The following NRG3 variants were observed in gnomAD, a reference collection of about 807,000 sequenced individuals.
NRG3 encodes neuregulin 3, also known as pro-neuregulin-3, membrane-bound isoform.
A neutral mutation model predicts 66.9 loss-of-function variants in NRG3; 31 were observed. The ratio of observed to expected loss-of-function variants is 0.46; its 90% CI spans 0.35 to 0.63. The LOEUF is 0.63. Ranked by LOEUF, NRG3 falls within the 20% of genes least tolerant of loss-of-function variation. The pLI, the probability that NRG3 is intolerant of heterozygous loss-of-function variation, is 0.00. For synonymous variants in NRG3, 393 were observed against 359.4 expected, an observed-to-expected ratio of 1.09 and a Z score of -1.06; for missense variants, 910 against 878.9, an observed-to-expected ratio of 1.04 and a Z score of -0.45.
chr10:82,236,769 G>GCGCAC lies in NRG3; in HGVS notation c.824-121969_824-121968insGCACC, dbSNP rs1268537156. Among the ~76,000 whole-genome samples, 3 of 133,528 alleles carry GCGCAC rather than the reference G, an allele frequency of 2.2e-5. No homozygotes were observed. The East Asian group carries it at 6.8e-4, about 30-fold the overall frequency. The allele number at this position is 133,528 out of a possible 152,430, so 87.6% of individuals were successfully genotyped here. A position where few individuals can be genotyped will look rare whatever the true frequency, so the allele number is the denominator to read the frequency against. ...CTCGCTCTGTTGCCCAGGCTGGAGTGCAGTGGTGCGATCTCCGCCTACTGC... is the reference window on the plus strand; with the variant it reads ...CTCGCTCTGTTGCCCAGGCTGGAGTGCGCACCAGTGGTGCGATCTCCGCCTACTGC... On this transcript the variant is annotated intron_variant, in intron 1 of 8. Transcript: ENST00000372141.
chr10:82,695,036 A>C (rs1161827090), intron 2 of NRG3, among the ~76,000 whole-genome samples: 2 of 152,164 alleles, frequency 1.3e-5, no homozygotes, highest in Admixed American at 1.3e-4. Flanking sequence ...ATAATTTTAT[A>C]AAATAGAATA....
intron 2 of NRG3, among the ~76,000 whole-genome samples, chr10:82,414,838 G>A (rs1276516645): frequency 6.6e-6 from 1 of 152,134 alleles, no homozygotes; most frequent in African/African-American, 2.4e-5. Context: ...AGACCAGCAG[G>A]CTGAAAACAG....
At chr10:82,732,428 A>G (rs1300872549) in intron 2 of NRG3, among the ~76,000 whole-genome samples, 1 of 152,188 alleles carries the variant, frequency 6.6e-6, no homozygotes, top group Non-Finnish European at 1.5e-5. Context: ...ATGGCAATTT[A>G]TGTCTCCACT....
chr10:82,692,711 G>T (rs534867448), intron 2 of NRG3, among the ~76,000 whole-genome samples: 2 of 152,318 alleles, frequency 1.3e-5, no homozygotes, highest in South Asian at 2.1e-4. Flanking sequence ...GCCCAGGCAA[G>T]CCCCCTGTGC....
intron 2 of NRG3, among the ~76,000 whole-genome samples, chr10:82,367,508 T>C (rs1222570216): frequency 1.3e-5 from 2 of 152,114 alleles, no homozygotes; most frequent in East Asian, 3.8e-4. Context: ...TAATGATGTC[T>C]TTAAAATATT....
intron 1 of NRG3, among the ~76,000 whole-genome samples, chr10:82,244,198 A>G (rs1037323369): frequency 2.0e-5 from 3 of 152,162 alleles, no homozygotes; most frequent in African/African-American, 4.8e-5. Context: ...TGACAATAGC[A>G]TTCGTGCTGT....
intron 2 of NRG3, among the ~76,000 whole-genome samples, chr10:82,362,504 G>T (rs1289991066): frequency 6.8e-6 from 1 of 147,746 alleles, no homozygotes; most frequent in Non-Finnish European, 1.5e-5. Context: ...CTTCTGAGTA[G>T]CTGGGACTAC....
chr10:81,899,269 T>C (rs1381422327), intron 1 of NRG3, among the ~76,000 whole-genome samples: 1 of 152,208 alleles, frequency 6.6e-6, no homozygotes, highest in Non-Finnish European at 1.5e-5. Flanking sequence ...TCTTTAGTAT[T>C]TTTGCACTAT....
intron 3 of NRG3, among the ~76,000 whole-genome samples, chr10:82,797,256 A>G (rs962769877): frequency 1.3e-5 from 2 of 152,144 alleles, no homozygotes; most frequent in Non-Finnish European, 2.9e-5. Flanking sequence ...TAGAAATGGG[A>G]CGTTTCCTAT....
chr10:82,144,549 C>T (rs1345343634), intron 1 of NRG3, among the ~76,000 whole-genome samples: 2 of 152,152 alleles, frequency 1.3e-5, no homozygotes, highest in Admixed American at 6.6e-5. Context: ...AGAGAGTAGT[C>T]TCATGGGCTA....
intron 2 of NRG3, among the ~76,000 whole-genome samples, chr10:82,609,669 A>C (rs553240812): frequency 1.3e-5 from 2 of 152,266 alleles, no homozygotes; most frequent in South Asian, 2.1e-4. Flanking sequence ...CAATCTGGTA[A>C]TAGAATTTTC....
At chr10:82,496,150 A>C (rs946093198) in intron 2 of NRG3, among the ~76,000 whole-genome samples, 16 of 152,312 alleles carry the variant, frequency 1.1e-4, no homozygotes, top group African/African-American at 3.8e-4. Flanking sequence ...AAAGAAAAGA[A>C]GAAAATGTTA....
intron 4 of NRG3, among the ~76,000 whole-genome samples, chr10:82,871,059 C>T (rs1215209254): frequency 6.6e-6 from 1 of 152,084 alleles, no homozygotes; most frequent in Non-Finnish European, 1.5e-5. Flanking sequence ...TTGCATTTTG[C>T]ATTTAGGTCT....
At chr10:82,651,759 T>C (rs1212192154) in intron 2 of NRG3, among the ~76,000 whole-genome samples, 1 of 152,186 alleles carries the variant, frequency 6.6e-6, no homozygotes, top group African/African-American at 2.4e-5. Context: ...TTGGAGGCCA[T>C]GGATGCTGGC....
chr10:82,215,556 T>A (rs2075621122), intron 1 of NRG3, among the ~76,000 whole-genome samples: 1 of 152,172 alleles, frequency 6.6e-6, no homozygotes, highest in Non-Finnish European at 1.5e-5. Context: ...TGCAGAATCA[T>A]CTTCTGTTAC....
At chr10:82,218,972 A>G (rs897118189) in intron 1 of NRG3, among the ~76,000 whole-genome samples, 1 of 152,066 alleles carries the variant, frequency 6.6e-6, no homozygotes, top group Admixed American at 6.6e-5. Flanking sequence ...TAAAAAACCT[A>G]TTAAATCTGA....
At chr10:82,085,881 G>A (rs538279977) in intron 1 of NRG3, among the ~76,000 whole-genome samples, 1 of 152,058 alleles carries the variant, frequency 6.6e-6, no homozygotes, top group African/African-American at 2.4e-5. Flanking sequence ...CAGGTGATCT[G>A]CCCGCCTAAG....
At chr10:82,848,577 C>T (rs1241400141) in intron 3 of NRG3, among the ~76,000 whole-genome samples, 2 of 152,074 alleles carry the variant, frequency 1.3e-5, no homozygotes, top group African/African-American at 2.4e-5. Flanking sequence ...TGAGTAAAGA[C>T]TTTGGGAGAC....
intron 1 of NRG3, among the ~76,000 whole-genome samples, chr10:82,280,367 A>G (rs1424078133): frequency 6.6e-6 from 1 of 152,208 alleles, no homozygotes; most frequent in South Asian, 2.1e-4. Flanking sequence ...GAGCCTTTTG[A>G]CAAATGTGAT....
Sources: gnomAD v4.1 joint callset for allele counts (sites outside exome capture counted in the v4.1 genomes callset) on GRCh38, gnomAD v4.1.1 for gene constraint, MANE v1.5 for transcripts, NCBI Gene and HGNC (gene_info 2026-07-23, HGNC 2026-07-21) for gene names.